The following RBFOX1 variants were observed in gnomAD, a reference collection of about 807,000 sequenced individuals.
RBFOX1 encodes RNA binding fox-1 homolog 1.
In RBFOX1, 8 loss-of-function variants were observed where a neutral mutation model predicts 57.7. That is an observed-to-expected ratio of 0.14 (90% CI 0.08 to 0.25). The LOEUF (loss-of-function observed/expected upper bound fraction) is 0.25, where lower values mean the gene tolerates loss of function less well. Ranked by LOEUF, RBFOX1 falls within the 10% of genes least tolerant of loss-of-function variation. The probability of loss-of-function intolerance (pLI) is 1.00; values close to 1 mark genes in which losing one functional copy is unlikely to be tolerated. For missense variants in RBFOX1, 611 were observed against 548.5 expected (o/e 1.11, Z -1.14); for synonymous variants, 326 against 222.4 (o/e 1.47, Z -4.15).
At chr16:7,081,970 C>T (rs2059269809) in intron 4 of RBFOX1, among the ~76,000 whole-genome samples, 1 of 152,118 alleles carries the variant, frequency 6.6e-6, no homozygotes, top group Non-Finnish European at 1.5e-5. Context: ...GCTCCTGTGG[C>T]CACAGAGATC....
At chr16:6,905,780 A>G (rs935932404) in intron 3 of RBFOX1, among the ~76,000 whole-genome samples, 2 of 152,332 alleles carry the variant, frequency 1.3e-5, no homozygotes, top group African/African-American at 4.8e-5. Context: ...TTCAAGAGAC[A>G]GACTGAGCCG....
chr16:7,250,462 G>T (rs2094463454), intron 4 of RBFOX1, among the ~76,000 whole-genome samples: 1 of 151,666 alleles, frequency 6.6e-6, no homozygotes, highest in African/African-American at 2.4e-5. Flanking sequence ...AGAGTTTCCT[G>T]CTTCATCGCC....
chr16:7,358,158 C>T (rs564809441), intron 4 of RBFOX1, among the ~76,000 whole-genome samples: 1 of 152,158 alleles, frequency 6.6e-6, no homozygotes, highest in Non-Finnish European at 1.5e-5. Flanking sequence ...AATTGTGTAT[C>T]TGTTATCATC....
intron 10 of RBFOX1, among the ~76,000 whole-genome samples, chr16:7,624,265 C>T (rs765398147): frequency 6.6e-6 from 1 of 152,128 alleles, no homozygotes; most frequent in African/African-American, 2.4e-5. Context: ...CCTATTACTA[C>T]TAAACTTTCA....
At chr16:6,437,185 G>A (rs1037187563) in intron 2 of RBFOX1, among the ~76,000 whole-genome samples, 1 of 152,110 alleles carries the variant, frequency 6.6e-6, no homozygotes, top group Non-Finnish European at 1.5e-5. Flanking sequence ...GTGAACGAAG[G>A]GGCTGTTTTT....
chr16:6,109,862 A>C (rs1362606372), intron 1 of RBFOX1, among the ~76,000 whole-genome samples: 1 of 152,194 alleles, frequency 6.6e-6, no homozygotes, highest in African/African-American at 2.4e-5. Flanking sequence ...ATATTATATA[A>C]ATTTCTTAAA....
At chr16:7,541,482 T>C (rs75703763) in intron 5 of RBFOX1, among the ~76,000 whole-genome samples, 1,546 of 152,224 alleles carry the variant, frequency 0.01, 35 homozygotes, top group East Asian at 0.088. Flanking sequence ...TTCCCGACTT[T>C]TATCTCACTC....
At chr16:6,371,615 G>T (rs992969531) in intron 2 of RBFOX1, among the ~76,000 whole-genome samples, 3 of 152,002 alleles carry the variant, frequency 2.0e-5, no homozygotes, top group African/African-American at 7.3e-5. Context: ...CCCAGTCCTA[G>T]AGCCAGGAGG....
At chr16:6,965,248 G>T (rs1598560324) in intron 3 of RBFOX1, among the ~76,000 whole-genome samples, 1 of 152,204 alleles carries the variant, frequency 6.6e-6, no homozygotes, top group Admixed American at 6.5e-5. Flanking sequence ...TCATTTGGGT[G>T]TAAAAAATGG....
At chr16:7,622,052 C>T (rs1033212251) in intron 10 of RBFOX1, among the ~76,000 whole-genome samples, 2 of 152,034 alleles carry the variant, frequency 1.3e-5, no homozygotes, top group Non-Finnish European at 2.9e-5. Flanking sequence ...AAAAGCATTC[C>T]TAGCTCACAG....
chr16:6,819,234 G>A (rs1223827491), intron 3 of RBFOX1, among the ~76,000 whole-genome samples: 1 of 152,112 alleles, frequency 6.6e-6, no homozygotes, highest in Non-Finnish European at 1.5e-5. Context: ...TCCTGTGGTT[G>A]GCAATCCTGC....
chr16:6,171,062 T>G (rs569616389), intron 1 of RBFOX1, among the ~76,000 whole-genome samples: 3 of 152,336 alleles, frequency 2.0e-5, no homozygotes, highest in Admixed American at 2.0e-4. Context: ...TGCATGCATG[T>G]GTCTTTATGA....
chr16:6,970,008 C>G (rs182442537), intron 3 of RBFOX1, among the ~76,000 whole-genome samples: 18 of 151,826 alleles, frequency 1.2e-4, no homozygotes, highest in Non-Finnish European at 2.1e-4. Context: ...GGCAGCATAG[C>G]AAGACCCCAT....
At chr16:6,431,923 T>TTCTTTCTTTC in intron 2 of RBFOX1, among the ~76,000 whole-genome samples, 1 of 150,316 alleles carries the variant, frequency 6.7e-6, no homozygotes, top group Non-Finnish European at 1.5e-5. Flanking sequence ...CTTTCTTTCT[T>TTCTTTCTTTC]TCTTTCTTTC....
intron 3 of RBFOX1, among the ~76,000 whole-genome samples, chr16:6,943,572 G>T (rs898645753): frequency 6.6e-6 from 1 of 152,106 alleles, no homozygotes. Context: ...GCCAGGCGCG[G>T]TGGCGGGTGC....
intron 4 of RBFOX1, among the ~76,000 whole-genome samples, chr16:5,910,092 C>T (rs1367364966): frequency 6.6e-6 from 1 of 151,808 alleles, no homozygotes; most frequent in Admixed American, 6.6e-5. Flanking sequence ...AAAAATAAAT[C>T]TTTGGCAACC....
chr16:6,009,816 CTGTG>C (rs148472437), intron 4 of RBFOX1, among the ~76,000 whole-genome samples: 1 of 148,418 alleles, frequency 6.7e-6, no homozygotes, highest in South Asian at 2.2e-4. Flanking sequence ...GTGTGTGTGT[CTGTG>C]TGTGTGTGTG....
intron 4 of RBFOX1, among the ~76,000 whole-genome samples, chr16:7,452,280 T>A (rs2098873929): frequency 6.6e-6 from 1 of 152,210 alleles, no homozygotes; most frequent in African/African-American, 2.4e-5. Context: ...CAATGTAGCT[T>A]GACAATTTCC....
chr16:7,099,824 T>C (rs914687045), intron 4 of RBFOX1, among the ~76,000 whole-genome samples: 3 of 152,160 alleles, frequency 2.0e-5, no homozygotes, highest in African/African-American at 7.2e-5. Context: ...TGGGTTTCAA[T>C]AAAGGGTTAT....
Sources: allele counts gnomAD v4.1 joint callset (sites outside exome capture counted in the v4.1 genomes callset), GRCh38; gene constraint gnomAD v4.1.1; transcripts MANE v1.5; gene names NCBI Gene and HGNC (gene_info 2026-07-23, HGNC 2026-07-21).